Variants in MBD5 observed in about 807,000 individuals in gnomAD.
MBD5 encodes the protein methyl-CpG-binding domain protein 5.
In MBD5, 13 loss-of-function variants were observed where a neutral mutation model predicts 117.3. The observed-to-expected ratio is 0.11, with a 90% confidence interval of 0.07 to 0.18. MBD5 has a LOEUF of 0.18. Ranked by LOEUF, MBD5 falls within the 10% of genes least tolerant of loss-of-function variation. The pLI is 1.00. For missense variants in MBD5, 1,879 were observed against 2,093.8 expected, an observed-to-expected ratio of 0.90 and a Z score of 2.00; for synonymous variants, 727 against 766.4, an observed-to-expected ratio of 0.95 and a Z score of 0.85.
chr2:148,498,918 G>A lies in MBD5; in HGVS notation c.4963-3518G>A, dbSNP rs142637773. On this transcript the variant is annotated intron_variant, in intron 11 of 13. Coordinates refer to ENST00000642680, the MANE Select transcript of MBD5 (RefSeq NM_001378120.1). Reference sequence around the variant, plus strand: ...TGGCTTTATGAATATGTTTCTATCCGCACTGAACAAACTATAAAACTATTT... The same window carrying A: ...TGGCTTTATGAATATGTTTCTATCCACACTGAACAAACTATAAAACTATTT... Among the ~76,000 whole-genome samples, 17 of 152,144 alleles carry A rather than the reference G, an allele frequency of 1.1e-4. No individual in the cohort carries two copies. The East Asian group carries it at 2.9e-3, about 26-fold the overall frequency.
rs1433031174 is a variant in MBD5, at chr2:148,294,285, C to T, written c.-679-47929C>T. Among the ~76,000 whole-genome samples the T allele has an allele frequency of 4.1e-5, 6 of 145,526 alleles. 1 individual carries two copies. The highest frequency in any genetic ancestry group is 1.6e-4 in the African/African-American group (6 of 37,808). ...TGTCATTCAGGCTGGAGTGCAGTGG[C>T]GTGATCTCGGCTCACTGCAAGCTCT... On this transcript the variant is annotated intron_variant, in intron 3 of 13. Coordinates refer to ENST00000642680, the MANE Select transcript of MBD5 (RefSeq NM_001378120.1).
intron 8 of MBD5, among the ~76,000 whole-genome samples, chr2:148,473,057 G>A (rs1680846902): frequency 6.6e-6 from 1 of 152,054 alleles, no homozygotes; most frequent in Non-Finnish European, 1.5e-5. Context: ...CAAAAGTATT[G>A]TGTTCCCTTT....
intron 3 of MBD5, among the ~76,000 whole-genome samples, chr2:148,269,402 A>T (rs7588000): frequency 6.6e-6 from 1 of 151,714 alleles, no homozygotes; most frequent in Non-Finnish European, 1.5e-5. Flanking sequence ...CTTCAATAGA[A>T]GTATTAAAGG....
At chr2:148,030,196 A>C (rs1694000523) in intron 1 of MBD5, among the ~76,000 whole-genome samples, 2 of 152,048 alleles carry the variant, frequency 1.3e-5, no homozygotes, top group South Asian at 4.1e-4. Context: ...GCTTCAACTC[A>C]GGAGGCAGAG....
intron 2 of MBD5, among the ~76,000 whole-genome samples, chr2:148,230,481 C>T (rs1699956486): frequency 6.6e-6 from 1 of 152,028 alleles, no homozygotes; most frequent in Admixed American, 6.6e-5. Flanking sequence ...TCCAGAAATT[C>T]TATTCAATAG....
intron 1 of MBD5, among the ~76,000 whole-genome samples, chr2:148,078,630 C>T (rs1474873464): frequency 6.6e-6 from 1 of 152,154 alleles, no homozygotes; most frequent in Non-Finnish European, 1.5e-5. Flanking sequence ...ATAACAAGGT[C>T]GTATGACTGA....
chr2:148,318,659 C>A (rs955089748), intron 3 of MBD5, among the ~76,000 whole-genome samples: 1 of 152,012 alleles, frequency 6.6e-6, no homozygotes, highest in Non-Finnish European at 1.5e-5. Context: ...AAAATTCTTA[C>A]GCATATGGCT....
intron 2 of MBD5, among the ~76,000 whole-genome samples, chr2:148,231,846 G>C (rs890998059): frequency 1.3e-5 from 2 of 152,142 alleles, no homozygotes; most frequent in Non-Finnish European, 2.9e-5. Context: ...CACCGGGATT[G>C]TGGGGCTACA....
intron 4 of MBD5, among the ~76,000 whole-genome samples, chr2:148,409,152 G>A (rs1219884987): frequency 6.6e-6 from 1 of 152,000 alleles, no homozygotes; most frequent in Admixed American, 6.6e-5. Context: ...TTGGGAGGTT[G>A]AGTGAGTGGA....
chr2:148,430,418 G>C (rs1705949041), intron 4 of MBD5, among the ~76,000 whole-genome samples: 1 of 151,942 alleles, frequency 6.6e-6, no homozygotes, highest in Non-Finnish European at 1.5e-5. Context: ...TTCATATGTT[G>C]TTTTTTTAAA....
In MBD5 at chr2:148,240,929, G is replaced by T. The variant is rs115919345; in HGVS notation, c.-680+7534G>T. Among the ~76,000 whole-genome samples, 531 of 151,144 alleles carry T rather than the reference G, an allele frequency of 3.5e-3. 2 individuals are homozygous for T. Among genetic ancestry groups the T allele is most frequent in the African/African-American group, 0.013 (515 of 41,184 alleles). On this transcript the variant is annotated intron_variant, in intron 3 of 13. Transcript: ENST00000642680. ...TTTTATCCATTTTTAGGTATACTTG[G>T]TTCTTTTTTATTGGTTTTATTTCTC...
chr2:148,057,690 C>T (rs1412085179), intron 1 of MBD5, among the ~76,000 whole-genome samples: 3 of 151,890 alleles, frequency 2.0e-5, no homozygotes, highest in East Asian at 3.9e-4. Flanking sequence ...AATCCCACAA[C>T]AATATGCTTT....
At chr2:148,174,710 G>T (rs1698341090) in intron 1 of MBD5, among the ~76,000 whole-genome samples, 2 of 151,404 alleles carry the variant, frequency 1.3e-5, no homozygotes, top group African/African-American at 4.8e-5. Context: ...TCTCAACATT[G>T]CTAATCATTC....
chr2:148,459,411 T>C (rs1233573034), intron 5 of MBD5, among the ~76,000 whole-genome samples: 1 of 152,180 alleles, frequency 6.6e-6, no homozygotes, highest in African/African-American at 2.4e-5. Flanking sequence ...TAAATAGTCA[T>C]ACAAATAAAA....
intron 2 of MBD5, among the ~76,000 whole-genome samples, chr2:148,219,040 C>A (rs371537235): frequency 6.6e-6 from 1 of 152,128 alleles, no homozygotes; most frequent in East Asian, 1.9e-4. Context: ...TGTTTAACTT[C>A]TTGATGCTTT....
chr2:148,214,712 T>C (rs1257000153), intron 2 of MBD5, among the ~76,000 whole-genome samples: 1 of 152,160 alleles, frequency 6.6e-6, no homozygotes, highest in African/African-American at 2.4e-5. Flanking sequence ...AAAAGAAATT[T>C]CAACACTGTC....
chr2:148,213,179 T>C (rs1016623218), intron 2 of MBD5, among the ~76,000 whole-genome samples: 2 of 152,224 alleles, frequency 1.3e-5, no homozygotes. Context: ...GAACAAGTGG[T>C]ATGAATAATA....
chr2:148,376,025 A>T (rs1420718926), intron 4 of MBD5, among the ~76,000 whole-genome samples: 1 of 151,016 alleles, frequency 6.6e-6, no homozygotes, highest in East Asian at 1.9e-4. Flanking sequence ...TAGGATGTTT[A>T]GCAGCATCCC....
chr2:148,471,860 T>C (rs1680808656), intron 8 of MBD5: 1 of 152,128 alleles, frequency 6.6e-6, no homozygotes, highest in Non-Finnish European at 1.5e-5. Flanking sequence ...TCACTCATCA[T>C]ATTTCTTTTT....
Sources: gnomAD v4.1 joint callset for allele counts (sites outside exome capture counted in the v4.1 genomes callset) on GRCh38, gnomAD v4.1.1 for gene constraint, MANE v1.5 for transcripts, NCBI Gene and HGNC (gene_info 2026-07-23, HGNC 2026-07-21) for gene names.